STX7: variants seen among roughly 807,000 people sequenced by gnomAD.
STX7 encodes the protein syntaxin-7.
A neutral mutation model predicts 39.6 loss-of-function variants in STX7; 34 were observed. The ratio of observed to expected loss-of-function variants is 0.86; its 90% CI spans 0.65 to 1.14. The LOEUF (loss-of-function observed/expected upper bound fraction) is 1.14. Among genes scored for constraint, STX7 ranks in the 50% most tolerant of loss-of-function variants. The pLI is 0.00. For synonymous variants in STX7, 119 were observed against 99.1 expected (o/e 1.20, Z -1.19); for missense variants, 284 against 310.4 (o/e 0.92, Z 0.64).
Position 132,459,715 on chromosome 6 carries a change from T to A in STX7, c.*1043A>T, listed in dbSNP as rs1046552891. The A allele has an allele frequency of 6.6e-6, 1 of 152,134 alleles. No individual in the cohort carries two copies. The highest frequency in any genetic ancestry group is 1.5e-5 in the Non-Finnish European group (1 of 68,020). 9.4% of individuals were successfully genotyped at this position (152,134 alleles called of 1,614,324 possible). A position where few individuals can be genotyped will look rare whatever the true frequency, so the allele number is the denominator to read the frequency against. On this transcript the variant is annotated 3_prime_UTR_variant, in exon 10 of 10. Coordinates refer to ENST00000367941, the MANE Select transcript of STX7 (RefSeq NM_003569.3). ...TTCAGATTAGTGCATTAAAACAACA[T>A]TGATTTAAAAAGGGAAGTGAGATAA...
chr6:132,495,190 A>T (rs535528781), intron 2 of STX7, among the ~76,000 whole-genome samples: 4 of 152,348 alleles, frequency 2.6e-5, no homozygotes, highest in South Asian at 4.1e-4. Context: ...CATAAAACAA[A>T]GAATTCACTC....
intron 9 of STX7, chr6:132,461,892 T>C: frequency 2.6e-6 from 4 of 1,519,514 alleles, no homozygotes; most frequent in Non-Finnish European, 3.6e-6. Flanking sequence ...TAAATTTACT[T>C]TGTGTCAAGT....
chr6:132,454,599 T>C lies in STX7; in HGVS notation c.*6159A>G, dbSNP rs1386452745. 6.6e-6 allele frequency: 1 copy of C among 152,170 alleles called. No homozygotes were observed. The highest frequency in any genetic ancestry group is 1.5e-5 in the Non-Finnish European group (1 of 68,014). 9.4% of individuals were successfully genotyped at this position (152,170 alleles called of 1,614,324 possible). A position where few individuals can be genotyped will look rare whatever the true frequency, so the allele number is the denominator to read the frequency against. On this transcript the variant is annotated 3_prime_UTR_variant, in exon 10 of 10. Coordinates refer to ENST00000367941, the MANE Select transcript of STX7 (RefSeq NM_003569.3). Reference sequence around the variant, plus strand: ...GCTCTATTTCAAATGTCCATACCATTCCAAAGGAAAGTATTGGTCACATAC... The same window carrying C: ...GCTCTATTTCAAATGTCCATACCATCCCAAAGGAAAGTATTGGTCACATAC...
In STX7 at chr6:132,471,567, C is replaced by A; in HGVS notation, c.283G>T (p.Ala95Ser). ...QRKIQKDRLV[A>S]EFTTSLTNFQ... ...TTTGTCAGTGATGTTGTGAACTCTG[C>A]CACTAAGCGATCCTTCTGTATTTTC... The change falls in exon 5 of 10, where the codon GCA becomes TCA. Residue 95 changes from alanine to serine, a missense_variant. By Grantham distance (99) the Ala-to-Ser change is moderately conservative. Coordinates refer to ENST00000367941, the MANE Select transcript of STX7 (RefSeq NM_003569.3). 6.2e-7 allele frequency: 1 copy of A among 1,613,746 alleles called. No homozygotes were observed.
chr6:132,495,204 T>A (rs1003233848), intron 2 of STX7, among the ~76,000 whole-genome samples: 2 of 152,160 alleles, frequency 1.3e-5, no homozygotes, highest in African/African-American at 4.8e-5. Context: ...TTCACTCATA[T>A]CCGGCCATAA....
chr6:132,479,324 G>A (rs1774957128), intron 2 of STX7, among the ~76,000 whole-genome samples: 1 of 152,178 alleles, frequency 6.6e-6, no homozygotes, highest in Non-Finnish European at 1.5e-5. Context: ...TGACCCAGCT[G>A]ATGCAATGGT....
intron 2 of STX7, among the ~76,000 whole-genome samples, chr6:132,481,632 GTTA>G (rs1487020037): frequency 3.3e-5 from 5 of 152,082 alleles, no homozygotes; most frequent in African/African-American, 1.2e-4. Context: ...CAACCATTAT[GTTA>G]TTGCCTAATA....
At chr6:132,507,136 T>G (rs758656956) in intron 1 of STX7, among the ~76,000 whole-genome samples, 1 of 152,048 alleles carries the variant, frequency 6.6e-6, no homozygotes, top group Non-Finnish European at 1.5e-5. Context: ...TAAGAAGACA[T>G]TGGAGACTCA....
At chr6:132,511,056 A>C (rs181646924) in intron 1 of STX7, among the ~76,000 whole-genome samples, 14 of 152,340 alleles carry the variant, frequency 9.2e-5, no homozygotes, top group Admixed American at 8.5e-4. Flanking sequence ...TACCCCAAGT[A>C]AGTTCTGAGG....
chr6:132,458,352 T>A lies in STX7; in HGVS notation c.*2406A>T, dbSNP rs1774300345. On this transcript the variant is annotated 3_prime_UTR_variant, in exon 10 of 10. Transcript: ENST00000367941. ...ACTAAAAAAACAAGCTACTCTAGTA[T>A]CAATATGACATCACTCTTTTACCAT... 6.6e-6 allele frequency: 1 copy of A among 152,182 alleles called. No individual in the cohort carries two copies. The highest frequency in any genetic ancestry group is 1.5e-5 in the Non-Finnish European group (1 of 68,044). 9.4% of individuals were successfully genotyped at this position (152,182 alleles called of 1,614,324 possible). A position where few individuals can be genotyped will look rare whatever the true frequency, so the allele number is the denominator to read the frequency against.
In STX7 at chr6:132,452,807, A is replaced by G. The variant is rs972974124; in HGVS notation, c.*7951T>C. 6.6e-6 allele frequency: 1 copy of G among 152,252 alleles called. No individual in the cohort carries two copies. The highest frequency in any genetic ancestry group is 1.9e-4 in the East Asian group (1 of 5,186). The allele number at this position is 152,252 out of a possible 1,614,324, so 9.4% of individuals were successfully genotyped here. The stretch of plus-strand genomic sequence containing the variant: ...ATGGTAAAGATGTCAAATCTCCCCA[A>G]ATTGATGTATAGGTATAACATAGTT... On this transcript the variant is annotated 3_prime_UTR_variant, in exon 10 of 10. Transcript: ENST00000367941.
rs1409955139 is a variant in STX7 at position 132,460,860 on chromosome 6, C to T, written c.694-10G>A. The T allele has an allele frequency of 6.2e-7, 1 of 1,605,800 alleles. No individual in the cohort carries two copies. Among genetic ancestry groups the T allele is most frequent in the African/African-American group, 1.3e-5 (1 of 74,304 alleles). On this transcript the variant is annotated splice_polypyrimidine_tract_variant and intron_variant, in intron 9 of 9. Transcript: ENST00000367941. ...TTTTTCTGGATTTGCGCTGCAGACGCAAAAAACAAAACAAAACAAAAAAAC... is the reference window on the plus strand; with the variant it reads ...TTTTTCTGGATTTGCGCTGCAGACGTAAAAAACAAAACAAAACAAAAAAAC...
At position 132,457,449 on chromosome 6, in the gene STX7, A is replaced by C. The variant is rs138088626; in HGVS notation, c.*3309T>G. Reference sequence around the variant, plus strand: ...CAAATTCCTAAATACTCAGAAAAAAATGGTTTTATCTTAATTGATTTATAA... The same window carrying C: ...CAAATTCCTAAATACTCAGAAAAAACTGGTTTTATCTTAATTGATTTATAA... On this transcript the variant is annotated 3_prime_UTR_variant, in exon 10 of 10. Transcript: ENST00000367941. The C allele has an allele frequency of 6.6e-6, 1 of 152,326 alleles. No individual in the cohort carries two copies. Among genetic ancestry groups the C allele is most frequent in the Non-Finnish European group, 1.5e-5 (1 of 68,024 alleles). The allele number at this position is 152,326 out of a possible 1,614,324, so 9.4% of individuals were successfully genotyped here.
chr6:132,490,869 T>G (rs374983542), intron 2 of STX7, among the ~76,000 whole-genome samples: 4 of 152,020 alleles, frequency 2.6e-5, no homozygotes, highest in South Asian at 2.1e-4. Context: ...TTGGGGCCGA[T>G]GAAGTGATTG....
intron 2 of STX7, among the ~76,000 whole-genome samples, chr6:132,481,954 C>T (rs1439742441): frequency 6.6e-6 from 1 of 152,168 alleles, no homozygotes; most frequent in African/African-American, 2.4e-5. Flanking sequence ...CTCAGACCTA[C>T]ACTGAAATGA....
At chr6:132,497,303 C>A (rs1317603311) in intron 2 of STX7, among the ~76,000 whole-genome samples, 1 of 151,936 alleles carries the variant, frequency 6.6e-6, no homozygotes, top group Non-Finnish European at 1.5e-5. Flanking sequence ...ATGAAAGAAG[C>A]CCAACATAAA....
intron 2 of STX7, among the ~76,000 whole-genome samples, chr6:132,498,309 A>G (rs1405288253): frequency 6.6e-6 from 1 of 152,078 alleles, no homozygotes; most frequent in Non-Finnish European, 1.5e-5. Flanking sequence ...TATAAATTAT[A>G]TCATTATAAT....
Position 132,449,159 on chromosome 6 carries a change from T to A in STX7, c.*11599A>T, listed in dbSNP as rs1326389143. ...TGTGCCACCATGCCTGGCTAATTTT[T>A]GTATTTTTTGTACAGATGGAGTTTC... On this transcript the variant is annotated 3_prime_UTR_variant, in exon 10 of 10. Coordinates refer to ENST00000367941, the MANE Select transcript of STX7 (RefSeq NM_003569.3). The A allele has an allele frequency of 6.5e-6, 1 of 152,826 alleles. No individual in the cohort carries two copies. Among genetic ancestry groups the A allele is most frequent in the Non-Finnish European group, 1.5e-5 (1 of 68,702 alleles). The allele number at this position is 152,826 out of a possible 1,614,324, so 9.5% of individuals were successfully genotyped here.
chr6:132,489,486 A>G (rs1288818222), intron 2 of STX7, among the ~76,000 whole-genome samples: 1 of 152,232 alleles, frequency 6.6e-6, no homozygotes, highest in Non-Finnish European at 1.5e-5. Flanking sequence ...GATGGCTACT[A>G]AAATAATTCT....
Sources: gnomAD v4.1 joint callset for allele counts (sites outside exome capture counted in the v4.1 genomes callset) on GRCh38, gnomAD v4.1.1 for gene constraint, MANE v1.5 for transcripts, NCBI Gene and HGNC (gene_info 2026-07-23, HGNC 2026-07-21) for gene names.